TNR: variants seen among roughly 807,000 people sequenced by gnomAD.
TNR encodes tenascin R, also known as tenascin-R.
TNR carries 45 observed loss-of-function variants against 150.4 expected under a neutral mutation model. The observed-to-expected ratio is 0.30, with a 90% confidence interval of 0.24 to 0.38. The LOEUF (loss-of-function observed/expected upper bound fraction) is 0.38, where lower values mean the gene tolerates loss of function less well. Ranked by LOEUF, TNR falls within the 10% of genes least tolerant of loss-of-function variation. The pLI is 1.00. For synonymous variants in TNR, 687 were observed against 678.4 expected (o/e 1.01, Z -0.20); for missense variants, 1,544 against 1,759.1 (o/e 0.88, Z 2.19).
chr1:175,722,887 G>T (rs948452774), intron 1 of TNR, among the ~76,000 whole-genome samples: 1 of 151,958 alleles, frequency 6.6e-6, no homozygotes, highest in Non-Finnish European at 1.5e-5. Flanking sequence ...TGCCTCCTGG[G>T]TTCAAACAAT....
chr1:175,315,865 C>G lies in TNR; in HGVS notation c.*7492G>C, dbSNP rs1342764189. On this transcript the variant is annotated 3_prime_UTR_variant, in exon 23 of 23. Coordinates refer to ENST00000367674, the MANE Select transcript of TNR (RefSeq NM_003285.3). ...GTGTGTGAATGATTGGAAGGAGGAG[C>G]CTGTGTGTTAACCAAAATAGACTCA... 1.3e-5 allele frequency: 2 copies of G among 150,030 alleles called. No individual in the cohort carries two copies. Among genetic ancestry groups the G allele is most frequent in the Admixed American group, 6.6e-5 (1 of 15,044 alleles). 9.3% of individuals were successfully genotyped at this position (150,030 alleles called of 1,614,324 possible).
intron 2 of TNR, among the ~76,000 whole-genome samples, chr1:175,423,226 A>G (rs1195060249): frequency 1.3e-5 from 2 of 152,200 alleles, no homozygotes; most frequent in Non-Finnish European, 2.9e-5. Context: ...CCTGGTGTTC[A>G]TTTCCTCATG....
In TNR at chr1:175,363,837, C is replaced by A. The variant is rs975163319; in HGVS notation, c.2588-10G>T. On this transcript the variant is annotated splice_polypyrimidine_tract_variant and intron_variant, in intron 12 of 22. Coordinates refer to ENST00000367674, the MANE Select transcript of TNR (RefSeq NM_003285.3). Reference sequence around the variant, plus strand: ...TTTGGGGGATCAATTCCTACAAGGACCCAGTGATTGTGGGAAAAAGACAGA... The same window carrying A: ...TTTGGGGGATCAATTCCTACAAGGAACCAGTGATTGTGGGAAAAAGACAGA... 6.2e-7 allele frequency: 1 copy of A among 1,602,466 alleles called. No individual in the cohort carries two copies. Among genetic ancestry groups the A allele is most frequent in the Non-Finnish European group, 8.5e-7 (1 of 1,173,762 alleles).
Position 175,365,174 on chromosome 1 carries a change from T to C in TNR, c.2423A>G (p.Tyr808Cys). Residue 808 changes from tyrosine to cysteine, a missense_variant, in exon 12 of 23, where the codon TAC (tyrosine) becomes TGC (cysteine). Physicochemically the swap from Tyr to Cys is radical, Grantham distance 194. Coordinates refer to ENST00000367674, the MANE Select transcript of TNR (RefSeq NM_003285.3). ...CTCTTCCTCCTCATCCCTGGGGCTG[T>C]AGTTAAGAATGAGTCTGTCTGCTGG... ...SPPADRLILN[Y>C]SPRDEEEEMM... 6.2e-7 allele frequency: 1 copy of C among 1,614,012 alleles called. No homozygotes were observed. Among genetic ancestry groups the C allele is most frequent in the Non-Finnish European group, 8.5e-7 (1 of 1,179,970 alleles).
chr1:175,739,972 G>A (rs1667879741), intron 1 of TNR, among the ~76,000 whole-genome samples: 1 of 152,228 alleles, frequency 6.6e-6, no homozygotes, highest in Non-Finnish European at 1.5e-5. Flanking sequence ...GGTCAGCTCT[G>A]AGGCAGTTGC....
chr1:175,739,555 C>T (rs1422227542), intron 1 of TNR, among the ~76,000 whole-genome samples: 1 of 152,250 alleles, frequency 6.6e-6, no homozygotes, highest in Non-Finnish European at 1.5e-5. Flanking sequence ...ACCAAACCTT[C>T]TGATAACTCC....
At chr1:175,457,038 T>C (rs902112782) in intron 2 of TNR, among the ~76,000 whole-genome samples, 1 of 152,176 alleles carries the variant, frequency 6.6e-6, no homozygotes, top group African/African-American at 2.4e-5. Flanking sequence ...AGTCTGCAGA[T>C]TCGGGTAGAT....
At position 175,356,271 on chromosome 1, in the gene TNR, C is replaced by T. The variant is rs757022649; in HGVS notation, c.3118+48G>A. On this transcript the variant is annotated intron_variant, in intron 16 of 22. Transcript: ENST00000367674. ...TCCACCACAAGAAAGCTGATCATTT[C>T]CACAAAAGTCCCCAGGGATACGGGT... is the stretch of plus-strand genomic sequence containing the variant. 1.9e-6 allele frequency: 3 copies of T among 1,609,088 alleles called. No homozygotes were observed. In the South Asian group the frequency reaches 3.3e-5, roughly 18 times the overall value.
chr1:175,692,835 C>G (rs971973139), intron 1 of TNR, among the ~76,000 whole-genome samples: 1 of 152,148 alleles, frequency 6.6e-6, no homozygotes, highest in African/African-American at 2.4e-5. Context: ...ATTTGTTACA[C>G]ATTGTTATGT....
intron 2 of TNR, among the ~76,000 whole-genome samples, chr1:175,440,921 A>T (rs1655757603): frequency 6.6e-6 from 1 of 152,168 alleles, no homozygotes; most frequent in Non-Finnish European, 1.5e-5. Context: ...AAGCAAATGA[A>T]GGGGGCTGGT....
At chr1:175,726,010 G>T (rs879864410) in intron 1 of TNR, among the ~76,000 whole-genome samples, 8 of 152,202 alleles carry the variant, frequency 5.3e-5, no homozygotes, top group Non-Finnish European at 7.3e-5. Flanking sequence ...TGAGAAAAAA[G>T]AACTTAGAGT....
intron 2 of TNR, among the ~76,000 whole-genome samples, chr1:175,480,389 G>GAAAGAAAGAAA (rs1557959623): frequency 1.3e-4 from 11 of 85,312 alleles, no homozygotes; most frequent in African/African-American, 4.4e-4. Flanking sequence ...GGAAAGAGAA[G>GAAAGAAAGAAA]AAAGAAAGAA....
Position 175,650,889 on chromosome 1 carries a change from T to C in TNR, c.-165+92337A>G, listed in dbSNP as rs372103318. Among the ~76,000 whole-genome samples the C allele has an allele frequency of 1.1e-4, 13 of 115,678 alleles. No homozygotes were observed. The East Asian group carries it at 2.4e-3, about 21-fold the overall frequency. The allele number at this position is 115,678 out of a possible 152,430, so 75.9% of individuals were successfully genotyped here. Reference sequence around the variant, plus strand: ...CTCATTCCTCCTCCTCCCCACCTCATTACTACCCCTCTCCCACCTCATTAC... The same window carrying C: ...CTCATTCCTCCTCCTCCCCACCTCACTACTACCCCTCTCCCACCTCATTAC... On this transcript the variant is annotated intron_variant, in intron 1 of 22. Transcript: ENST00000367674.
At chr1:175,585,288 T>G (rs1214762051) in intron 1 of TNR, among the ~76,000 whole-genome samples, 1 of 152,222 alleles carries the variant, frequency 6.6e-6, no homozygotes, top group African/African-American at 2.4e-5. Context: ...TGAATGCAAC[T>G]ACTCAAACTT....
At position 175,324,368 on chromosome 1, in the gene TNR, G is replaced by A. The variant is rs1468189173; in HGVS notation, c.3945C>T (p.Ser1315=). 4 of 1,613,658 alleles carry A rather than the reference G, an allele frequency of 2.5e-6. No homozygotes were observed. The highest frequency in any genetic ancestry group is 3.4e-6 in the Non-Finnish European group (4 of 1,179,924). Reference sequence around the variant, plus strand: ...GAGCATCGCTTACCTGACTGTGCCTGGACTCCCCGTACTTCCCATTGAGGT... The same window carrying A: ...GAGCATCGCTTACCTGACTGTGCCTAGACTCCCCGTACTTCCCATTGAGGT... ...RTNLNGKYGE[S]RHSQGINWYH... is the part of the protein sequence containing the mutation. Residue 1315 remains serine (S), a synonymous_variant, in exon 22 of 23, where the codon TCC becomes TCT. Transcript: ENST00000367674.
At chr1:175,398,073 T>C (rs1460108717) in intron 4 of TNR, among the ~76,000 whole-genome samples, 1 of 152,216 alleles carries the variant, frequency 6.6e-6, no homozygotes, top group Non-Finnish European at 1.5e-5. Flanking sequence ...TACAACCAGG[T>C]AGGCTGAGGC....
At chr1:175,729,726 A>G (rs1667582386) in intron 1 of TNR, among the ~76,000 whole-genome samples, 1 of 152,130 alleles carries the variant, frequency 6.6e-6, no homozygotes, top group Admixed American at 6.5e-5. Flanking sequence ...AACTATCTAG[A>G]ATGAATGAAT....
At chr1:175,399,856 A>G (rs888108042) in intron 4 of TNR, among the ~76,000 whole-genome samples, 1 of 152,190 alleles carries the variant, frequency 6.6e-6, no homozygotes, top group African/African-American at 2.4e-5. Context: ...TGTTGCACTT[A>G]TGTGGTGAGA....
chr1:175,572,247 T>C (rs10913013), intron 1 of TNR, among the ~76,000 whole-genome samples: 28,271 of 152,206 alleles, frequency 0.19, 4,582 homozygotes, highest in African/African-American at 0.44. Flanking sequence ...TTCATTCATT[T>C]GCTCATTCAT....
Sources: allele counts gnomAD v4.1 joint callset (sites outside exome capture counted in the v4.1 genomes callset), GRCh38; gene constraint gnomAD v4.1.1; transcripts MANE v1.5; gene names NCBI Gene and HGNC (gene_info 2026-07-23, HGNC 2026-07-21).